The following NEK3 variants were observed in gnomAD, a reference collection of about 807,000 sequenced individuals.
NEK3 encodes the protein serine/threonine-protein kinase Nek3.
A neutral mutation model predicts 66.0 loss-of-function variants in NEK3; 54 were observed. The observed-to-expected ratio is 0.82, with a 90% CI of 0.66 to 1.03. The LOEUF (loss-of-function observed/expected upper bound fraction) is 1.03, where lower values mean the gene tolerates loss of function less well. Ranked by LOEUF, NEK3 falls within the 50% of genes least tolerant of loss-of-function variation. NEK3 has a pLI of 0.00. For missense variants in NEK3, 593 were observed against 603.0 expected (o/e 0.98, Z 0.17); for synonymous variants, 200 against 206.2 (o/e 0.97, Z 0.26).
At chr13:52,153,138 C>G (rs1956361364) in intron 4 of NEK3, among the ~76,000 whole-genome samples, 1 of 151,928 alleles carries the variant, frequency 6.6e-6, no homozygotes, top group South Asian at 2.1e-4. Flanking sequence ...GTCAATAGTT[C>G]CTGCTTATAA....
intron 10 of NEK3, among the ~76,000 whole-genome samples, chr13:52,141,285 A>G (rs1055769844): frequency 3.3e-5 from 5 of 152,168 alleles, no homozygotes; most frequent in Admixed American, 3.3e-4. Context: ...TTTCATTCCT[A>G]AAGTTAAAAT....
intron 7 of NEK3, among the ~76,000 whole-genome samples, chr13:52,150,420 A>G (rs1008324427): frequency 2.0e-5 from 3 of 152,210 alleles, no homozygotes; most frequent in Non-Finnish European, 4.4e-5. Flanking sequence ...TAAAACGACT[A>G]AAGTAAATTA....
At chr13:52,144,932 A>G in intron 8 of NEK3, 41 bp from the exon 9 acceptor site, 1 of 1,320,196 alleles carries the variant, frequency 7.6e-7, no homozygotes, top group Non-Finnish European at 1.1e-6. Context: ...ATACAGGGGA[A>G]GAAATGGAAG....
At chr13:52,150,674 G>A (rs1410868680) in intron 7 of NEK3, among the ~76,000 whole-genome samples, 2 of 152,156 alleles carry the variant, frequency 1.3e-5, no homozygotes, top group African/African-American at 4.8e-5. Context: ...TTATAATCTA[G>A]CCCTATAAAT....
At chr13:52,138,764 T>C (rs1317991456) in intron 11 of NEK3, among the ~76,000 whole-genome samples, 2 of 152,082 alleles carry the variant, frequency 1.3e-5, no homozygotes, top group Admixed American at 6.6e-5. Flanking sequence ...ACCTCATCTC[T>C]ATAAAAAAGT....
In NEK3 at chr13:52,144,750, T is replaced by A; in HGVS notation, c.745A>T (p.Thr249Ser). 6.2e-7 allele frequency: 1 copy of A among 1,613,952 alleles called. No individual in the cohort carries two copies. The highest frequency in any genetic ancestry group is 8.5e-7 in the Non-Finnish European group (1 of 1,179,882). The change falls in exon 9 of 16, where the codon ACA becomes TCA. Residue 249 changes from threonine to serine, a missense_variant. Thr to Ser is a moderately conservative substitution (Grantham distance 58). Coordinates refer to ENST00000610828, the MANE Select transcript of NEK3 (RefSeq NM_002498.3). ...ACGATGCCTCGAGAGAGAAGCGTTG[T>A]AGCCGAGGGGCGATGTGAGGGATTC... ...KRNPSHRPSA[T>S]TLLSRGIVAR...
intron 8 of NEK3, among the ~76,000 whole-genome samples, chr13:52,147,263 C>A (rs1041187548): frequency 6.6e-6 from 1 of 152,150 alleles, no homozygotes; most frequent in African/African-American, 2.4e-5. Context: ...CCCAGCAGTT[C>A]CACTGCTAAA....
Position 52,152,626 on chromosome 13 carries a change from T to C in NEK3, c.376A>G (p.Arg126Gly), listed in dbSNP as rs369523357. 3.4e-5 allele frequency: 55 copies of C among 1,607,206 alleles called. No individual in the cohort carries two copies. The highest frequency in any genetic ancestry group is 4.5e-5 in the Non-Finnish European group (53 of 1,176,666). The change falls in exon 5 of 16, where the codon AGA (arginine) becomes GGA (glycine). Residue 126 changes from arginine to glycine, a missense_variant. Transcript: ENST00000610828. The stretch of plus-strand genomic sequence containing the variant: ...CCACTCACCTTGGACTTGATATCTC[T>C]GTGTAGCACACGTTTCTTGTGAATG... The part of the protein sequence containing the change: ...NHIHKKRVLH[R>G]DIKSKNIFLT...
chr13:52,139,950 C>T (rs753170043), intron 11 of NEK3, among the ~76,000 whole-genome samples: 14 of 151,188 alleles, frequency 9.3e-5, no homozygotes, highest in Non-Finnish European at 1.9e-4. Context: ...ACCTATAATC[C>T]CAGCACTTTA....
intron 15 of NEK3, 66 bp downstream of exon 15, chr13:52,133,623 A>ACACACT: frequency 7.0e-7 from 1 of 1,434,628 alleles, no homozygotes; most frequent in Non-Finnish European, 9.2e-7. Flanking sequence ...AATCACACAC[A>ACACACT]CACACACACA....
intron 10 of NEK3, among the ~76,000 whole-genome samples, chr13:52,142,630 T>A (rs969769297): frequency 6.6e-6 from 1 of 152,192 alleles, no homozygotes; most frequent in Admixed American, 6.5e-5. Context: ...AGGGTTTGCA[T>A]CCTTCCAAAA....
chr13:52,159,334 G>A (rs1956423862), intron 1 of NEK3: 1 of 152,418 alleles, frequency 6.6e-6, no homozygotes, highest in Non-Finnish European at 1.5e-5. Flanking sequence ...GCTCCGCCCT[G>A]CTGACCCCCA....
At position 52,132,704 on chromosome 13, in the gene NEK3, A is replaced by G. The variant is rs1019761620; in HGVS notation, c.*438T>C. 2 of 153,826 alleles carry G rather than the reference A, an allele frequency of 1.3e-5. No individual in the cohort carries two copies. The highest frequency in any genetic ancestry group is 6.5e-5 in the Admixed American group (1 of 15,456). 9.5% of individuals were successfully genotyped at this position (153,826 alleles called of 1,614,324 possible). ...TAGGAAATGTAAAAAGAGTCACATAATAATAAACACATATCATAATGTGAA... is the reference window on the plus strand; with the variant it reads ...TAGGAAATGTAAAAAGAGTCACATAGTAATAAACACATATCATAATGTGAA... On this transcript the variant is annotated 3_prime_UTR_variant, in exon 16 of 16. Transcript: ENST00000610828.
At chr13:52,133,645 A>C (rs201039932) in intron 15 of NEK3, 44 bp downstream of exon 15, 660 of 1,539,728 alleles carry the variant, frequency 4.3e-4, no homozygotes, top group African/African-American at 1.0e-3. Flanking sequence ...ACACACACAC[A>C]CCCCCAACCC....
rs906551118 is a variant in NEK3, at chr13:52,151,449, T to A, written c.394-57A>T. On this transcript the variant is annotated intron_variant, in intron 5 of 15. Coordinates refer to ENST00000610828, the MANE Select transcript of NEK3 (RefSeq NM_002498.3). ...CTTCTATCATCAAACATGAGGCAGA[T>A]AAGCTGTCTTCCAAAGCCTGCTGAT... 2.1e-6 allele frequency: 3 copies of A among 1,458,718 alleles called. No individual in the cohort carries two copies. The African/African-American group carries it at 4.2e-5, about 20-fold the overall frequency. 90.4% of individuals were successfully genotyped at this position (1,458,718 alleles called of 1,614,324 possible).
At chr13:52,145,235 A>G (rs1427840523) in intron 8 of NEK3, among the ~76,000 whole-genome samples, 3 of 152,202 alleles carry the variant, frequency 2.0e-5, no homozygotes, top group Non-Finnish European at 2.9e-5. Flanking sequence ...CTGATACTAA[A>G]GGTTTATAAT....
intron 4 of NEK3, 97 bp from the exon 5 acceptor site, chr13:52,152,789 G>A: frequency 1.4e-6 from 1 of 707,732 alleles, no homozygotes; most frequent in East Asian, 2.7e-5. Flanking sequence ...TAGTCAACCG[G>A]GATTTTACGT....
chr13:52,159,456 A>C (rs1403795753), intron 1 of NEK3, 87 bp downstream of exon 1: 20 of 152,242 alleles, frequency 1.3e-4, no homozygotes, highest in Admixed American at 1.3e-3. Flanking sequence ...GGGCGCGTCT[A>C]CCCCTCGCTC....
chr13:52,148,376 A>G lies in NEK3; in HGVS notation c.603+39T>C, dbSNP rs192346698. Reference sequence around the variant, plus strand: ...TCACATTATTAGGGCTCAGCTAGATATGACAAGCTGCCTTTTCCATTTTGC... The same window carrying G: ...TCACATTATTAGGGCTCAGCTAGATGTGACAAGCTGCCTTTTCCATTTTGC... On this transcript the variant is annotated intron_variant, in intron 8 of 15. Transcript: ENST00000610828. The G allele has an allele frequency of 1.9e-6, 3 of 1,592,908 alleles. No homozygotes were observed. The East Asian group carries it at 6.7e-5, about 36-fold the overall frequency.
Sources: gnomAD v4.1 joint callset for allele counts (sites outside exome capture counted in the v4.1 genomes callset) on GRCh38, gnomAD v4.1.1 for gene constraint, MANE v1.5 for transcripts, NCBI Gene and HGNC (gene_info 2026-07-23, HGNC 2026-07-21) for gene names.